The following GRM7 variants were observed in gnomAD, a reference collection of about 807,000 sequenced individuals.
GRM7 encodes glutamate metabotropic receptor 7, also known as metabotropic glutamate receptor 7.
GRM7 carries 35 observed loss-of-function variants against 84.5 expected under a neutral mutation model. The observed-to-expected ratio is 0.41, with a 90% CI of 0.32 to 0.55. The LOEUF (loss-of-function observed/expected upper bound fraction) is 0.55. Ranked by LOEUF, GRM7 falls within the 20% of genes least tolerant of loss-of-function variation. The pLI is 0.19. For missense variants in GRM7, 1,003 were observed against 1,194.6 expected, an observed-to-expected ratio of 0.84 and a Z score of 2.36; for synonymous variants, 487 against 455.1, an observed-to-expected ratio of 1.07 and a Z score of -0.89.
At chr3:7,364,416 T>TA (rs1693792892) in intron 4 of GRM7, among the ~76,000 whole-genome samples, 1 of 151,852 alleles carries the variant, frequency 6.6e-6, no homozygotes, top group Non-Finnish European at 1.5e-5. Flanking sequence ...TCTGGATGTC[T>TA]AAAAAATGTA....
chr3:7,415,294 G>T, intron 5 of GRM7, 131 bp downstream of exon 5: 1 of 750,820 alleles, frequency 1.3e-6, no homozygotes, highest in East Asian at 2.7e-5. Context: ...AGATTGTTCA[G>T]AAAATGGAAC....
At chr3:7,242,319 G>A (rs1697591055) in intron 2 of GRM7, among the ~76,000 whole-genome samples, 1 of 152,182 alleles carries the variant, frequency 6.6e-6, no homozygotes, top group Non-Finnish European at 1.5e-5. Flanking sequence ...TGAGTGTAAT[G>A]TAGCAAAATA....
intron 7 of GRM7, among the ~76,000 whole-genome samples, chr3:7,470,324 A>G (rs1698647021): frequency 6.6e-6 from 1 of 152,252 alleles, no homozygotes; most frequent in Admixed American, 6.5e-5. Context: ...CATAATATGT[A>G]ATAATACTTT....
chr3:7,298,986 G>A (rs554152018), intron 3 of GRM7, among the ~76,000 whole-genome samples, 161 bp downstream of exon 3: 2 of 152,034 alleles, frequency 1.3e-5, no homozygotes, highest in Non-Finnish European at 2.9e-5. Flanking sequence ...TACAGTGGTA[G>A]CATGTTATGG....
intron 1 of GRM7, among the ~76,000 whole-genome samples, chr3:6,886,598 C>T (rs1346587141): frequency 6.6e-6 from 1 of 151,970 alleles, no homozygotes; most frequent in Admixed American, 6.6e-5. Context: ...ATTGTTTATG[C>T]TTCATATTCC....
chr3:7,471,049 C>T (rs978178663), intron 7 of GRM7, among the ~76,000 whole-genome samples: 1 of 151,542 alleles, frequency 6.6e-6, no homozygotes, highest in South Asian at 2.1e-4. Context: ...CCGCAATTCC[C>T]TTCTTTATTT....
chr3:7,183,279 G>C (rs1695404457), intron 2 of GRM7, among the ~76,000 whole-genome samples: 1 of 152,160 alleles, frequency 6.6e-6, no homozygotes, highest in Admixed American at 6.6e-5. Context: ...GTGTACAGGG[G>C]AGCAAAATAA....
chr3:7,400,218 T>C (rs934287628), intron 4 of GRM7, among the ~76,000 whole-genome samples: 1 of 152,206 alleles, frequency 6.6e-6, no homozygotes, highest in African/African-American at 2.4e-5. Flanking sequence ...CATCTAAGCA[T>C]GGACATGGTA....
intron 8 of GRM7, among the ~76,000 whole-genome samples, chr3:7,629,863 C>A (rs1233442686): frequency 1.3e-5 from 2 of 152,002 alleles, no homozygotes; most frequent in Non-Finnish European, 2.9e-5. Flanking sequence ...AGATTTGAAA[C>A]CCAGGAAATT....
chr3:7,463,430 TTTG>T (rs1176711850), intron 7 of GRM7, among the ~76,000 whole-genome samples: 23 of 152,306 alleles, frequency 1.5e-4, no homozygotes, highest in African/African-American at 5.1e-4. Flanking sequence ...TCAACAAGTT[TTTG>T]TTGTTTGTTT....
intron 1 of GRM7, among the ~76,000 whole-genome samples, chr3:7,095,183 G>T (rs1698813486): frequency 6.6e-6 from 1 of 152,068 alleles, no homozygotes; most frequent in Non-Finnish European, 1.5e-5. Flanking sequence ...CATACTTCAG[G>T]AAATTAACTA....
At chr3:7,148,097 A>G (rs1281820674) in intron 2 of GRM7, among the ~76,000 whole-genome samples, 1 of 152,228 alleles carries the variant, frequency 6.6e-6, no homozygotes, top group East Asian at 1.9e-4. Context: ...CTGATTAGGA[A>G]AGAAATCTTA....
chr3:7,350,021 G>A (rs1460116577), intron 4 of GRM7, among the ~76,000 whole-genome samples: 1 of 151,974 alleles, frequency 6.6e-6, no homozygotes, highest in African/African-American at 2.4e-5. Context: ...CTGTGTTGTT[G>A]GAAATACAGG....
intron 2 of GRM7, among the ~76,000 whole-genome samples, chr3:7,291,503 TCTCTCTCTCTCTCTCTCTCTCTCTC>T: frequency 1.9e-4 from 1 of 5,138 alleles, no homozygotes; most frequent in Admixed American, 2.9e-3. Context: ...TCTCTCTCTC[TCTCTCTCTCTCTCTCTCTCTCTCTC>T]TCTCTCTCTC....
Position 7,331,880 on chromosome 3 carries a change from C to T in GRM7, c.1033+25228C>T, listed in dbSNP as rs185629689. ...GTCAATTATATTTTTTAAAGGTTCC[C>T]ATGCAGTTTGACACTGAGAAGTAGC... On this transcript the variant is annotated intron_variant, in intron 4 of 9. Coordinates refer to ENST00000357716, the MANE Select transcript of GRM7 (RefSeq NM_000844.4). Among the ~76,000 whole-genome samples the T allele has an allele frequency of 1.6e-3, 246 of 152,134 alleles. 4 individuals carry two copies. Among genetic ancestry groups the T allele is most frequent in the Non-Finnish European group, 8.1e-4 (55 of 68,006 alleles).
chr3:7,474,952 G>T (rs1698862155), intron 7 of GRM7, among the ~76,000 whole-genome samples: 2 of 152,132 alleles, frequency 1.3e-5, no homozygotes, highest in South Asian at 4.1e-4. Flanking sequence ...AGTGGTGACT[G>T]GTCTTGTATA....
At chr3:7,330,623 G>T (rs1013637677) in intron 4 of GRM7, among the ~76,000 whole-genome samples, 1 of 152,098 alleles carries the variant, frequency 6.6e-6, no homozygotes, top group African/African-American at 2.4e-5. Context: ...GCTTTATAAG[G>T]GCTTTCCCCT....
At chr3:6,973,050 A>T (rs2125096265) in intron 1 of GRM7, among the ~76,000 whole-genome samples, 1 of 152,310 alleles carries the variant, frequency 6.6e-6, no homozygotes, top group Middle Eastern at 3.4e-3. Context: ...TGGGCATTTT[A>T]CGCCTTATTT....
At chr3:6,870,502 C>T (rs1695087411) in intron 1 of GRM7, among the ~76,000 whole-genome samples, 1 of 152,082 alleles carries the variant, frequency 6.6e-6, no homozygotes, top group South Asian at 2.1e-4. Context: ...TCATGCAAGG[C>T]CATCGCAGGC....
Sources: gnomAD v4.1 joint callset for allele counts (sites outside exome capture counted in the v4.1 genomes callset) on GRCh38, gnomAD v4.1.1 for gene constraint, MANE v1.5 for transcripts, NCBI Gene and HGNC (gene_info 2026-07-23, HGNC 2026-07-21) for gene names.